PTPRA: variants seen among roughly 807,000 people sequenced by gnomAD.
PTPRA encodes the protein receptor-type tyrosine-protein phosphatase alpha.
A neutral mutation model predicts 104.8 loss-of-function variants in PTPRA; 25 were observed. The observed-to-expected ratio is 0.24, with a 90% CI of 0.17 to 0.33. The LOEUF (loss-of-function observed/expected upper bound fraction) is 0.33, where lower values mean the gene tolerates loss of function less well. Ranked by LOEUF, PTPRA falls within the 10% of genes least tolerant of loss-of-function variation. The pLI is 1.00. For missense variants in PTPRA, 765 were observed against 1,015.3 expected (o/e 0.75, Z 3.35); for synonymous variants, 323 against 368.9 (o/e 0.88, Z 1.43).
chr20:2,943,234 G>A (rs1311751707), intron 2 of PTPRA, among the ~76,000 whole-genome samples: 2 of 146,152 alleles, frequency 1.4e-5, no homozygotes, highest in African/African-American at 5.1e-5. Flanking sequence ...AGATAAGGGG[G>A]TAGTACTGAA....
At chr20:2,951,303 T>C (rs998377783) in intron 3 of PTPRA, among the ~76,000 whole-genome samples, 2 of 152,092 alleles carry the variant, frequency 1.3e-5, no homozygotes, top group Admixed American at 1.3e-4. Context: ...GGTTTCACCA[T>C]GTTAGCCAGG....
upstream of PTPRA, among the ~76,000 whole-genome samples, chr20:2,870,718 C>A (rs1004486502): frequency 1.3e-5 from 2 of 152,344 alleles, no homozygotes; most frequent in Admixed American, 1.3e-4. Context: ...CCTTTCCCCC[C>A]ATCCTCCAGC....
At chr20:3,018,005 G>A in intron 13 of PTPRA, 92 bp downstream of exon 13, 1 of 1,050,754 alleles carries the variant, frequency 9.5e-7, no homozygotes, top group Non-Finnish European at 1.4e-6. Flanking sequence ...TGTGGGTGCT[G>A]TACCAGTAGT....
intron 1 of PTPRA, among the ~76,000 whole-genome samples, chr20:2,901,093 C>T (rs1348693246): frequency 6.6e-6 from 1 of 151,932 alleles, no homozygotes; most frequent in African/African-American, 2.4e-5. Context: ...GCCTCAGCCT[C>T]CAGAGTAGCT....
At chr20:3,001,037 ATGAG>A (rs976821490) in intron 9 of PTPRA, among the ~76,000 whole-genome samples, 1 of 152,202 alleles carries the variant, frequency 6.6e-6, no homozygotes, top group African/African-American at 2.4e-5. Flanking sequence ...TAAAAAATGA[ATGAG>A]TACTTAGCCT....
At position 2,876,447 on chromosome 20, in the gene PTPRA, C is replaced by T. The variant is rs537604342; in HGVS notation, c.-129+2687C>T. Among the ~76,000 whole-genome samples, 30 of 152,296 alleles carry T rather than the reference C, an allele frequency of 2.0e-4. 1 individual carries two copies. The South Asian group carries it at 5.8e-3, about 29-fold the overall frequency. On this transcript the variant is annotated intron_variant, in intron 1 of 23. Coordinates refer to ENST00000399903, the MANE Select transcript of PTPRA (RefSeq NM_001385305.1). ...TATCCATACTCCTCCCACCATGGGACGTACCACTCACACCTTACTGGGTTT... is the reference window on the plus strand; with the variant it reads ...TATCCATACTCCTCCCACCATGGGATGTACCACTCACACCTTACTGGGTTT...
At chr20:3,007,262 A>G (rs189380662) in intron 10 of PTPRA, 82 bp from the exon 11 acceptor site, 1 of 1,333,120 alleles carries the variant, frequency 7.5e-7, no homozygotes, top group East Asian at 2.3e-5. Flanking sequence ...ATAGGCACAG[A>G]TGTCTCAACT....
chr20:2,987,683 C>T (rs2148140357), intron 7 of PTPRA, among the ~76,000 whole-genome samples: 1 of 152,242 alleles, frequency 6.6e-6, no homozygotes, highest in South Asian at 2.1e-4. Flanking sequence ...GAGGAAATAC[C>T]AAGATTTTTG....
chr20:3,032,590 A>C (rs1161735992), intron 20 of PTPRA, among the ~76,000 whole-genome samples: 9 of 151,800 alleles, frequency 5.9e-5, no homozygotes, highest in South Asian at 2.1e-4. Context: ...ACATGGCAAA[A>C]CCCCATCTCT....
intron 11 of PTPRA, among the ~76,000 whole-genome samples, chr20:3,013,636 C>T (rs2064291445): frequency 6.6e-6 from 1 of 152,096 alleles, no homozygotes; most frequent in Non-Finnish European, 1.5e-5. Context: ...GCCTCAAACT[C>T]CCTACCTCAG....
intron 9 of PTPRA, among the ~76,000 whole-genome samples, chr20:2,997,288 G>A (rs948383251): frequency 6.6e-6 from 1 of 151,954 alleles, no homozygotes; most frequent in African/African-American, 2.4e-5. Flanking sequence ...ACATAATAGG[G>A]AACTTTGTTT....
intron 1 of PTPRA, among the ~76,000 whole-genome samples, chr20:2,878,449 A>T (rs2146790135): frequency 6.6e-6 from 1 of 152,248 alleles, no homozygotes; most frequent in South Asian, 2.1e-4. Context: ...GACTCAAGTG[A>T]TCCACCCGCC....
In PTPRA at chr20:2,943,745, C is replaced by T. The variant is rs147874477; in HGVS notation, c.-49-4237C>T. On this transcript the variant is annotated intron_variant, in intron 2 of 23. Coordinates refer to ENST00000399903, the MANE Select transcript of PTPRA (RefSeq NM_001385305.1). Reference sequence around the variant, plus strand: ...ATGAAAGAACTATCTTGCATGTAGCCGAAAACACACTATTCCTTTCTCTAA... The same window carrying T: ...ATGAAAGAACTATCTTGCATGTAGCTGAAAACACACTATTCCTTTCTCTAA... 3.8e-3 allele frequency among the ~76,000 whole-genome samples: 571 copies of T among 152,156 alleles called. 3 individuals are homozygous for T. Among genetic ancestry groups the T allele is most frequent in the Non-Finnish European group, 6.3e-3 (425 of 67,988 alleles).
chr20:2,987,284 G>C (rs2148137874), intron 7 of PTPRA, among the ~76,000 whole-genome samples: 1 of 152,036 alleles, frequency 6.6e-6, no homozygotes, highest in South Asian at 2.1e-4. Context: ...AGACCCTTCT[G>C]GGACCCCTGG....
chr20:2,865,400 C>A, the PTPRA span: 1 of 1,614,068 alleles, frequency 6.2e-7, no homozygotes, highest in South Asian at 1.1e-5. The surrounding 1 kb of genome is among the most constrained non-coding windows in gnomAD (Gnocchi z 5.2). Flanking sequence ...TTCCTGCAGG[C>A]TCTGGTGGCT....
intron 10 of PTPRA, 71 bp downstream of exon 10, chr20:3,005,217 A>G (rs1194675352): frequency 2.1e-6 from 3 of 1,443,780 alleles, no homozygotes; most frequent in Non-Finnish European, 2.9e-6. Context: ...TGAAGATGGA[A>G]AGAATCTTGC....
At chr20:2,907,160 A>T (rs959220143) in intron 1 of PTPRA, among the ~76,000 whole-genome samples, 9 of 152,226 alleles carry the variant, frequency 5.9e-5, no homozygotes, top group Non-Finnish European at 1.2e-4. Context: ...AGTTTCATAT[A>T]TAAGTGTTGT....
chr20:3,009,112 G>A (rs1381595703), intron 11 of PTPRA, among the ~76,000 whole-genome samples: 12 of 152,168 alleles, frequency 7.9e-5, no homozygotes, highest in Admixed American at 6.5e-4. Flanking sequence ...CAACTCACCC[G>A]TGTGCTCATG....
chr20:2,887,248 AT>A (rs2090440537), intron 1 of PTPRA, among the ~76,000 whole-genome samples: 2 of 152,128 alleles, frequency 1.3e-5, no homozygotes, highest in South Asian at 4.1e-4. Flanking sequence ...TATGTATTTC[AT>A]TTGAAATGTT....
Sources: allele counts gnomAD v4.1 joint callset (sites outside exome capture counted in the v4.1 genomes callset), GRCh38; gene constraint gnomAD v4.1.1; non-coding constraint Gnocchi (gnomAD v3.1); transcripts MANE v1.5; gene names NCBI Gene and HGNC (gene_info 2026-07-23, HGNC 2026-07-21).